Variants in FER1L6 observed in about 807,000 individuals in gnomAD.
FER1L6 encodes fer-1-like protein 6.
Under a neutral mutation model 219.2 loss-of-function variants are expected in FER1L6, and 177 were observed. The observed-to-expected ratio is 0.81, with a 90% CI of 0.71 to 0.91. The LOEUF (loss-of-function observed/expected upper bound fraction) is 0.91. Ranked by LOEUF, FER1L6 falls within the 40% of genes least tolerant of loss-of-function variation. The pLI is 0.00. For synonymous variants in FER1L6, 768 were observed against 824.3 expected (o/e 0.93, Z 1.17); for missense variants, 2,153 against 2,259.9 (o/e 0.95, Z 0.96).
At chr8:123,900,023 G>T (rs142065984) in intron 1 of FER1L6, among the ~76,000 whole-genome samples, 148 of 151,960 alleles carry the variant, frequency 9.7e-4, no homozygotes, top group African/African-American at 3.4e-3. Context: ...TTTTTCTAAT[G>T]CTGTGAAGAA....
At chr8:123,913,577 T>C (rs1356755736) in intron 1 of FER1L6, among the ~76,000 whole-genome samples, 1 of 152,134 alleles carries the variant, frequency 6.6e-6, no homozygotes, top group Non-Finnish European at 1.5e-5. Flanking sequence ...TGCTGGGCTC[T>C]GTGTTTTTGT....
intron 39 of FER1L6, among the ~76,000 whole-genome samples, chr8:124,110,446 C>T (rs1248330749): frequency 6.6e-6 from 1 of 152,134 alleles, no homozygotes; most frequent in Non-Finnish European, 1.5e-5. Context: ...GTCAAAGAGC[C>T]ATAGAAACAG....
intron 1 of FER1L6, among the ~76,000 whole-genome samples, chr8:123,884,670 G>T (rs1301131892): frequency 1.3e-5 from 2 of 152,254 alleles, no homozygotes; most frequent in South Asian, 2.1e-4. Context: ...TTAGAAAAGG[G>T]ACTATTTGCA....
At chr8:124,040,088 G>A (rs79943225) in intron 20 of FER1L6, 82 bp downstream of exon 20, 76,059 of 1,569,810 alleles carry the variant, frequency 0.048, 2,717 homozygotes, top group East Asian at 0.18. Flanking sequence ...AGAAACAACG[G>A]GGGCATGTTG....
chr8:124,119,557 G>C (rs1256132842), intron 40 of FER1L6, 50 bp from the exon 41 acceptor site: 3 of 1,232,000 alleles, frequency 2.4e-6, no homozygotes, highest in Non-Finnish European at 3.6e-6. Context: ...TAAGCATTCT[G>C]AGTGTTGACA....
rs1304592494 is a variant in FER1L6, at chr8:123,861,199, T to G, written c.-8+9014T>G. Among the ~76,000 whole-genome samples the G allele has an allele frequency of 2.6e-3, 330 of 128,730 alleles. 2 individuals are homozygous for G. Among genetic ancestry groups the G allele is most frequent in the African/African-American group, 0.01 (318 of 30,466 alleles). The allele number at this position is 128,730 out of a possible 152,430, so 84.5% of individuals were successfully genotyped here. A position where few individuals can be genotyped will look rare whatever the true frequency, so the allele number is the denominator to read the frequency against. On this transcript the variant is annotated intron_variant, in intron 1 of 40. Coordinates refer to ENST00000522917, the MANE Select transcript of FER1L6 (RefSeq NM_001039112.2). ...GGATCCAGTTTCAGCTTTCTACGTA[T>G]GGCTAGCCAGTTTTCCCAGCACCAT...
chr8:123,975,214 G>A lies in FER1L6; in HGVS notation c.591G>A (p.Lys197=). Residue 197 remains lysine (K), a synonymous_variant, in exon 8 of 41, where the codon AAG becomes AAA. Transcript: ENST00000522917. ...CTGGTGACATCAGGACTGGCACCAA[G>A]GGGTACCTGAAATGTGACATCAGTG... ...TDPGDIRTGT[K]GYLKCDISVM... 1 of 1,613,000 alleles carries A rather than the reference G, an allele frequency of 6.2e-7. No homozygotes were observed. Among genetic ancestry groups the A allele is most frequent in the Non-Finnish European group, 8.5e-7 (1 of 1,179,740 alleles).
rs189654153 is a variant in FER1L6 at position 124,031,019 on chromosome 8, C to A, written c.2287-4258C>A. Among the ~76,000 whole-genome samples, 19 of 152,174 alleles carry A rather than the reference C, an allele frequency of 1.2e-4. No homozygotes were observed. The East Asian group carries it at 3.3e-3, about 26-fold the overall frequency. ...CAGCTTTTTGATGCATTTTTGCATTCTTAATTGTTTTTCTCTGTTGTGTTT... is the reference window on the plus strand; with the variant it reads ...CAGCTTTTTGATGCATTTTTGCATTATTAATTGTTTTTCTCTGTTGTGTTT... On this transcript the variant is annotated intron_variant, in intron 18 of 40. Coordinates refer to ENST00000522917, the MANE Select transcript of FER1L6 (RefSeq NM_001039112.2).
At chr8:123,971,909 A>G (rs1489316940) in intron 6 of FER1L6, among the ~76,000 whole-genome samples, 2 of 152,220 alleles carry the variant, frequency 1.3e-5, no homozygotes, top group African/African-American at 2.4e-5. Flanking sequence ...TGACCACACC[A>G]GGATTGCCTG....
At chr8:123,882,819 A>G (rs1817133534) in intron 1 of FER1L6, among the ~76,000 whole-genome samples, 1 of 152,212 alleles carries the variant, frequency 6.6e-6, no homozygotes, top group African/African-American at 2.4e-5. Flanking sequence ...GTCATTATAC[A>G]TCAATCCATA....
intron 35 of FER1L6, among the ~76,000 whole-genome samples, chr8:124,095,267 G>A (rs1822231374): frequency 6.6e-6 from 1 of 152,144 alleles, no homozygotes; most frequent in Non-Finnish European, 1.5e-5. Context: ...CCTCCAACAG[G>A]GAATTATCCA....
chr8:124,035,462 C>A lies in FER1L6; in HGVS notation c.2464+8C>A. On this transcript the variant is annotated splice_region_variant and intron_variant, in intron 19 of 40. Coordinates refer to ENST00000522917, the MANE Select transcript of FER1L6 (RefSeq NM_001039112.2). ...CTAACCTGCTCTACCAAGGTAGGGT[C>A]CCCACTGGGCAAAGAGGGTCATTCG... 1 of 1,608,750 alleles carries A rather than the reference C, an allele frequency of 6.2e-7. No individual in the cohort carries two copies. The highest frequency in any genetic ancestry group is 1.3e-5 in the African/African-American group (1 of 74,858).
intron 1 of FER1L6, among the ~76,000 whole-genome samples, chr8:123,931,721 T>C (rs1813777491): frequency 6.6e-6 from 1 of 152,254 alleles, no homozygotes; most frequent in African/African-American, 2.4e-5. Flanking sequence ...CAATTCATTA[T>C]GTGCTATCAA....
intron 39 of FER1L6, among the ~76,000 whole-genome samples, chr8:124,116,615 C>T (rs986035457): frequency 6.6e-6 from 1 of 152,226 alleles, no homozygotes; most frequent in Non-Finnish European, 1.5e-5. Context: ...AACAAAGGGG[C>T]AGCTGCAATC....
chr8:124,097,939 A>G (rs1822380330), intron 37 of FER1L6, 56 bp downstream of exon 37: 1 of 946,492 alleles, frequency 1.1e-6, no homozygotes, highest in African/African-American at 1.6e-5. Flanking sequence ...ACCTTTTTAA[A>G]CCCTAACTAA....
At chr8:123,958,511 G>T (rs1367193930) in intron 2 of FER1L6, among the ~76,000 whole-genome samples, 1 of 152,042 alleles carries the variant, frequency 6.6e-6, no homozygotes, top group Non-Finnish European at 1.5e-5. Flanking sequence ...AATTTTGGGG[G>T]GTGCCTAGGA....
chr8:124,081,461 T>C (rs564970184), intron 32 of FER1L6, among the ~76,000 whole-genome samples: 12 of 152,044 alleles, frequency 7.9e-5, no homozygotes, highest in African/African-American at 2.7e-4. Flanking sequence ...CTTGGGCAAG[T>C]TGCTAGTGTT....
Position 123,987,072 on chromosome 8 carries a change from T to C in FER1L6, c.1519+896T>C, listed in dbSNP as rs142117979. On this transcript the variant is annotated intron_variant, in intron 12 of 40. Transcript: ENST00000522917. ...CTGGCTCATATGGTAGTTCTATTTT[T>C]AGTTTTCTGAGGAACTGTCAAACTG... Among the ~76,000 whole-genome samples, 1,413 of 152,344 alleles carry C rather than the reference T, an allele frequency of 9.3e-3. 23 individuals carry two copies. Among genetic ancestry groups the C allele is most frequent in the African/African-American group, 0.032 (1,334 of 41,574 alleles).
chr8:124,060,510 T>A (rs752421271), intron 23 of FER1L6, 38 bp from the exon 24 acceptor site: 1 of 1,607,830 alleles, frequency 6.2e-7, no homozygotes, highest in African/African-American at 1.3e-5. Context: ...GGCTCCTCCG[T>A]GGATCTGTGG....
Sources: allele counts gnomAD v4.1 joint callset (sites outside exome capture counted in the v4.1 genomes callset), GRCh38; gene constraint gnomAD v4.1.1; transcripts MANE v1.5; gene names NCBI Gene and HGNC (gene_info 2026-07-23, HGNC 2026-07-21).